The following TENM4 variants were observed in gnomAD, a reference collection of about 807,000 sequenced individuals.
TENM4 encodes teneurin transmembrane protein 4.
Under a neutral mutation model 243.3 loss-of-function variants are expected in TENM4, and 82 were observed. That is an observed-to-expected ratio of 0.34 (90% confidence interval 0.28 to 0.40). The LOEUF (loss-of-function observed/expected upper bound fraction) is 0.40. Among genes scored for constraint, TENM4 ranks in the 10% least tolerant of loss-of-function variants. TENM4 has a pLI of 1.00. For synonymous variants in TENM4, 1,412 were observed against 1,456.3 expected (o/e 0.97, Z 0.69); for missense variants, 3,138 against 3,673.3 (o/e 0.85, Z 3.77).
At chr11:79,024,391 G>T (rs545462799) in intron 6 of TENM4, among the ~76,000 whole-genome samples, 3 of 152,198 alleles carry the variant, frequency 2.0e-5, no homozygotes, top group African/African-American at 4.8e-5. Flanking sequence ...TAGCAGAGAG[G>T]GGGGGCAGCA....
At chr11:79,325,415 C>A (rs1311240992) in intron 1 of TENM4, among the ~76,000 whole-genome samples, 1 of 152,272 alleles carries the variant, frequency 6.6e-6, no homozygotes, top group African/African-American at 2.4e-5. Flanking sequence ...GAAAAGACCC[C>A]AAAATTTCCC....
At chr11:78,922,056 G>T (rs535569334) in intron 6 of TENM4, among the ~76,000 whole-genome samples, 49 of 152,330 alleles carry the variant, frequency 3.2e-4, no homozygotes, top group African/African-American at 1.1e-3. Flanking sequence ...TGATGAGGCT[G>T]GAGTGACTGA....
intron 6 of TENM4, among the ~76,000 whole-genome samples, chr11:79,057,266 A>G (rs1859967283): frequency 6.6e-6 from 1 of 151,830 alleles, no homozygotes; most frequent in South Asian, 2.1e-4. Context: ...TGGCCTGCAC[A>G]CACCCCTACT....
At chr11:79,150,483 T>G (rs1331978034) in intron 3 of TENM4, among the ~76,000 whole-genome samples, 1 of 152,122 alleles carries the variant, frequency 6.6e-6, no homozygotes, top group Non-Finnish European at 1.5e-5. Flanking sequence ...CCAAGTTCCT[T>G]TTCTCCTTTT....
intron 6 of TENM4, among the ~76,000 whole-genome samples, chr11:79,043,450 G>A (rs1183965561): frequency 6.6e-6 from 1 of 152,106 alleles, no homozygotes; most frequent in Non-Finnish European, 1.5e-5. Flanking sequence ...ACAAGATGGT[G>A]GAGCTTCTGT....
chr11:78,704,892 G>A (rs1859205376), intron 27 of TENM4, among the ~76,000 whole-genome samples: 1 of 152,160 alleles, frequency 6.6e-6, no homozygotes, highest in South Asian at 2.1e-4. Context: ...GAGGGGGCAG[G>A]CCCTTTCTCA....
intron 12 of TENM4, among the ~76,000 whole-genome samples, chr11:78,817,507 C>T (rs1225961241): frequency 6.6e-6 from 1 of 152,228 alleles, no homozygotes; most frequent in African/African-American, 2.4e-5. Context: ...CTGAAGATCT[C>T]TATTCTCCAT....
At chr11:79,292,773 A>G (rs538872922) in intron 2 of TENM4, among the ~76,000 whole-genome samples, 1 of 152,238 alleles carries the variant, frequency 6.6e-6, no homozygotes, top group South Asian at 2.1e-4. Flanking sequence ...GTTATTCAAA[A>G]CTCTTTAAGG....
chr11:79,172,666 CTTT>C (rs71457503), intron 3 of TENM4, among the ~76,000 whole-genome samples: 25 of 137,698 alleles, frequency 1.8e-4, no homozygotes, highest in Non-Finnish European at 2.0e-4. Context: ...TTTTCTGTTC[CTTT>C]TTTTTTTTTT....
chr11:78,938,681 A>G (rs1856833872), intron 6 of TENM4, among the ~76,000 whole-genome samples: 1 of 152,204 alleles, frequency 6.6e-6, no homozygotes, highest in African/African-American at 2.4e-5. Context: ...TGCTCGTCTC[A>G]TTTGTTGCAA....
At chr11:79,081,021 G>A (rs1860656865) in intron 4 of TENM4, among the ~76,000 whole-genome samples, 2 of 152,196 alleles carry the variant, frequency 1.3e-5, no homozygotes, top group African/African-American at 2.4e-5. Context: ...ACTCTGTGAG[G>A]TGAGAGAGGA....
rs1859239889 is a variant in TENM4 at position 78,875,251 on chromosome 11, CAG to C, written c.1085-12121_1085-12120del. 2.6e-5 allele frequency among the ~76,000 whole-genome samples: 4 copies of C among 152,166 alleles called. No homozygotes were observed. The South Asian group carries it at 6.2e-4, about 24-fold the overall frequency. ...TCTTTCATTTTTTTTTCTTTTGAGA[CAG>C]AGTCTCACTCTGTTGCCCAGGCTCA... On this transcript the variant is annotated intron_variant, in intron 9 of 33. Transcript: ENST00000278550.
intron 13 of TENM4, among the ~76,000 whole-genome samples, chr11:78,812,702 T>C (rs889714300): frequency 2.4e-4 from 36 of 152,006 alleles, no homozygotes; most frequent in African/African-American, 7.5e-4. Flanking sequence ...TCTCCTCTAA[T>C]AACACTCCAC....
At chr11:79,255,774 T>C (rs1397566823) in intron 2 of TENM4, among the ~76,000 whole-genome samples, 1 of 152,246 alleles carries the variant, frequency 6.6e-6, no homozygotes, top group Admixed American at 6.5e-5. Flanking sequence ...TAACACAATC[T>C]TGTTAAGACT....
chr11:78,769,663 T>C (rs1360635655), intron 18 of TENM4, among the ~76,000 whole-genome samples: 4 of 152,236 alleles, frequency 2.6e-5, no homozygotes, highest in Non-Finnish European at 4.4e-5. Flanking sequence ...CAGGAGAACA[T>C]AGGCCTTCTG....
intron 6 of TENM4, among the ~76,000 whole-genome samples, chr11:78,994,319 T>C (rs1858118939): frequency 6.6e-6 from 1 of 151,632 alleles, no homozygotes; most frequent in African/African-American, 2.4e-5. Context: ...CTTGCATATG[T>C]GAAGCTTGGC....
chr11:78,912,073 C>A (rs902669653), intron 6 of TENM4, among the ~76,000 whole-genome samples: 8 of 152,120 alleles, frequency 5.3e-5, no homozygotes, highest in Non-Finnish European at 1.2e-4. Flanking sequence ...AGGTAGGGGC[C>A]TGGCATGAGT....
rs1262995687 is a variant in TENM4 at position 79,085,501 on chromosome 11, A to G, written c.-65-15492T>C. Among the ~76,000 whole-genome samples the G allele has an allele frequency of 3.3e-5, 5 of 151,956 alleles. 1 individual carries two copies. Among genetic ancestry groups the G allele is most frequent in the Non-Finnish European group, 5.9e-5 (4 of 67,998 alleles). On this transcript the variant is annotated intron_variant, in intron 4 of 33. Coordinates refer to ENST00000278550, the MANE Select transcript of TENM4 (RefSeq NM_001098816.3). ...TTGGATGATAAACTCTCTAAGCCTC[A>G]ATTTCCTTATCTGTAAAATGGGGAT...
intron 16 of TENM4, among the ~76,000 whole-genome samples, chr11:78,783,992 GT>G (rs1421345893): frequency 1.3e-5 from 2 of 152,148 alleles, no homozygotes; most frequent in Admixed American, 6.5e-5. Context: ...GTTTACGCAG[GT>G]CGGCAGTATG....
Sources: allele counts gnomAD v4.1 joint callset (sites outside exome capture counted in the v4.1 genomes callset), GRCh38; gene constraint gnomAD v4.1.1; transcripts MANE v1.5; gene names NCBI Gene and HGNC (gene_info 2026-07-23, HGNC 2026-07-21).